Variants in KRT86 observed in about 807,000 individuals in gnomAD.
KRT86 encodes keratin, type II cuticular Hb6.
A neutral mutation model predicts 41.2 loss-of-function variants in KRT86; 30 were observed. The observed-to-expected ratio is 0.73, with a 90% CI of 0.54 to 0.99. KRT86 has a LOEUF of 0.99. KRT86 is among the 50% of genes least tolerant of loss of function. The probability of loss-of-function intolerance (pLI) is 0.00; values close to 1 mark genes in which losing one functional copy is unlikely to be tolerated. For missense variants in KRT86, 561 were observed against 571.4 expected (o/e 0.98, Z 0.19); for synonymous variants, 238 against 238.1 (o/e 1.00, Z 0.00).
At chr12:52,295,066 A>G (rs138605247) in intron 2 of KRT86, among the ~76,000 whole-genome samples, 1 of 152,278 alleles carries the variant, frequency 6.6e-6, no homozygotes, top group African/African-American at 2.4e-5. Flanking sequence ...GCTGCTATGA[A>G]CATCCTTTCT....
chr12:52,289,510 TC>T (rs1226975833), intron 2 of KRT86, among the ~76,000 whole-genome samples: 1 of 29,916 alleles, frequency 3.3e-5, no homozygotes, highest in African/African-American at 1.3e-4. Context: ...CCAGTCCTGT[TC>T]CCAAAGGGGC....
At chr12:52,288,274 C>A in intron 2 of KRT86, 2 of 1,604,812 alleles carry the variant, frequency 1.2e-6, no homozygotes, top group Non-Finnish European at 1.7e-6. Flanking sequence ...GGGACTGCAA[C>A]CTCTACCCAC....
chr12:52,306,021 A>G lies in KRT86; in HGVS notation c.1027-39A>G, dbSNP rs747540123. ...ATCGAGGTAAGCATCAGAGAGACCC[A>G]GGGACTCTAATCTACCTTGTTCTCT... is the stretch of plus-strand genomic sequence containing the variant. On this transcript the variant is annotated intron_variant, in intron 8 of 10. Transcript: ENST00000423955. 7.4e-6 allele frequency: 12 copies of G among 1,611,614 alleles called. No individual in the cohort carries two copies. In the African/African-American group the frequency reaches 1.5e-4, roughly 20 times the overall value.
chr12:52,276,153 T>C (rs1942556116), intron 2 of KRT86, among the ~76,000 whole-genome samples: 1 of 152,236 alleles, frequency 6.6e-6, no homozygotes, highest in Non-Finnish European at 1.5e-5. Context: ...GTAATGAACA[T>C]GTAGGTAAAT....
chr12:52,277,300 A>T (rs2121191483), intron 2 of KRT86, among the ~76,000 whole-genome samples: 1 of 152,008 alleles, frequency 6.6e-6, no homozygotes, highest in South Asian at 2.1e-4. Flanking sequence ...CTTCACCCTG[A>T]AGGTAGACAG....
intron 2 of KRT86, among the ~76,000 whole-genome samples, chr12:52,283,995 G>A (rs1227329038): frequency 6.6e-6 from 1 of 152,214 alleles, no homozygotes; most frequent in Non-Finnish European, 1.5e-5. Context: ...GGAAGGAAGA[G>A]AGGGTCAGAG....
In KRT86 at chr12:52,283,470, A is replaced by ATTTT. The variant is rs200241229; in HGVS notation, c.-5+7546_-5+7549dup. 3.1e-4 allele frequency among the ~76,000 whole-genome samples: 20 copies of ATTTT among 65,352 alleles called. 2 individuals are homozygous for ATTTT. The highest frequency in any genetic ancestry group is 4.5e-4 in the Non-Finnish European group (18 of 40,172). The allele number at this position is 65,352 out of a possible 152,430, so 42.9% of individuals were successfully genotyped here. A position where few individuals can be genotyped will look rare whatever the true frequency, so the allele number is the denominator to read the frequency against. On this transcript the variant is annotated intron_variant, in intron 2 of 10. Coordinates refer to ENST00000423955, the MANE Select transcript of KRT86 (RefSeq NM_001320198.2). ...ATGTTAGTAGCCACCTAATCCAAGC[A>ATTTT]TTTTTTTTTTTTTTTTTTTTTTTTT...
chr12:52,301,578 G>C (rs979712842), intron 2 of KRT86, among the ~76,000 whole-genome samples: 1 of 152,060 alleles, frequency 6.6e-6, no homozygotes, highest in African/African-American at 2.4e-5. Context: ...CCACTCCTTC[G>C]TCCAACGTCA....
chr12:52,297,138 G>A (rs999159503), intron 2 of KRT86, among the ~76,000 whole-genome samples: 1 of 152,192 alleles, frequency 6.6e-6, no homozygotes, highest in Admixed American at 6.5e-5. Context: ...TGTCCTGCCC[G>A]CCTTTTGCCT....
At chr12:52,295,446 CTG>C (rs1938226251) in intron 2 of KRT86, among the ~76,000 whole-genome samples, 1 of 152,184 alleles carries the variant, frequency 6.6e-6, no homozygotes, top group African/African-American at 2.4e-5. Context: ...GCACTCCCTT[CTG>C]TACACCATCG....
chr12:52,275,768 G>C (rs1592412469), intron 1 of KRT86, 53 bp from the exon 2 acceptor site: 1 of 913,604 alleles, frequency 1.1e-6, no homozygotes, highest in Non-Finnish European at 1.3e-6. Flanking sequence ...GGGCAGCCCT[G>C]TCTGGCCTCC....
At chr12:52,295,892 C>T (rs1250416783) in intron 2 of KRT86, among the ~76,000 whole-genome samples, 1 of 151,500 alleles carries the variant, frequency 6.6e-6, no homozygotes, top group Non-Finnish European at 1.5e-5. Context: ...TGTGGCTATT[C>T]CTGGGGGTGG....
Position 52,286,825 on chromosome 12 carries a change from G to A in KRT86, c.-5+10879G>A, listed in dbSNP as rs761110090. 3.7e-6 allele frequency: 6 copies of A among 1,613,904 alleles called. No individual in the cohort carries two copies. In the South Asian group the frequency reaches 6.6e-5, roughly 18 times the overall value. On this transcript the variant is annotated intron_variant, in intron 2 of 10. Transcript: ENST00000423955. ...CAGCCCCAATGCCTTCACATAGCCT[G>A]AGGGCAAAAGAGAAAAAGGCAACAT...
chr12:52,308,187 C>A (rs1414939727), intron 9 of KRT86, 46 bp from the exon 10 acceptor site: 2 of 1,613,754 alleles, frequency 1.2e-6, no homozygotes, highest in East Asian at 2.2e-5. Flanking sequence ...CACGGGGGCC[C>A]GGCGCCTTTT....
chr12:52,284,915 C>T (rs966473292), intron 2 of KRT86, among the ~76,000 whole-genome samples: 54 of 152,138 alleles, frequency 3.5e-4, no homozygotes, highest in Non-Finnish European at 6.6e-4. Context: ...CTGGTAACCA[C>T]GGAGGTTTCT....
At chr12:52,306,001 G>A (rs1157361237) in intron 8 of KRT86, 59 bp from the exon 9 acceptor site, 20 of 1,604,010 alleles carry the variant, frequency 1.2e-5, no homozygotes, top group Admixed American at 1.7e-5. Context: ...GTCTCATCGA[G>A]GTAAGCATCA....
chr12:52,301,168 G>T (rs897726090), intron 2 of KRT86, among the ~76,000 whole-genome samples: 2 of 151,858 alleles, frequency 1.3e-5, no homozygotes, highest in Non-Finnish European at 2.9e-5. Flanking sequence ...AAAGAGAGAG[G>T]GGGGGTTGTG....
intron 2 of KRT86, 69 bp from the exon 3 acceptor site, chr12:52,301,844 G>A: frequency 1.2e-6 from 2 of 1,613,262 alleles, no homozygotes; most frequent in South Asian, 2.2e-5. Flanking sequence ...GTGAACGCCT[G>A]ACGCCCCGAC....
rs923611205 is a variant in KRT86, at chr12:52,306,549, T to C, written c.1247+269T>C. On this transcript the variant is annotated intron_variant, in intron 9 of 10. Transcript: ENST00000423955. The stretch of plus-strand genomic sequence containing the variant: ...TATTCCTGTTACTGAGAAGCCTAAT[T>C]AAGGCTTGGGGTCAGCTTGCCTGGG... 57 of 594,026 alleles carry C rather than the reference T, an allele frequency of 9.6e-5. 2 individuals are homozygous for C. The East Asian group carries it at 1.2e-3, about 12-fold the overall frequency. 36.8% of individuals were successfully genotyped at this position (594,026 alleles called of 1,614,324 possible).
Sources: allele counts gnomAD v4.1 joint callset (sites outside exome capture counted in the v4.1 genomes callset), GRCh38; gene constraint gnomAD v4.1.1; transcripts MANE v1.5; gene names NCBI Gene and HGNC (gene_info 2026-07-23, HGNC 2026-07-21).